Variants in HES1 observed in about 807,000 individuals in gnomAD.
HES1 encodes hes family bHLH transcription factor 1.
In HES1, 7 loss-of-function variants were observed where a neutral mutation model predicts 21.0. The observed-to-expected ratio is 0.33, with a 90% CI of 0.19 to 0.63. The LOEUF is 0.63. Ranked by LOEUF, HES1 falls within the 20% of genes least tolerant of loss-of-function variation. The probability of loss-of-function intolerance (pLI) is 0.78; values close to 1 mark genes in which losing one functional copy is unlikely to be tolerated. For missense variants in HES1, 338 were observed against 389.8 expected (o/e 0.87, Z 1.12); for synonymous variants, 169 against 171.2 (o/e 0.99, Z 0.10).
intron 1 of HES1, 52 bp from the exon 2 acceptor site, chr3:194,136,565 C>T (rs996667645): frequency 7.6e-6 from 12 of 1,573,224 alleles, no homozygotes; most frequent in African/African-American, 1.4e-5. Flanking sequence ...TGTCTTGAAA[C>T]CCCGGGATGG....
At chr3:194,136,876 C>T (rs748351351) in intron 2 of HES1, 85 bp from the exon 3 acceptor site, 149 of 1,434,092 alleles carry the variant, frequency 1.0e-4, no homozygotes, top group Non-Finnish European at 1.3e-4. Flanking sequence ...ATAATGCTTG[C>T]GCTCCGTGGC....
rs1163096831 is a variant in HES1 at position 194,138,696 on chromosome 3, A to C, written c.*463A>C. 2.6e-5 allele frequency: 4 copies of C among 152,774 alleles called. No individual in the cohort carries two copies. The highest frequency in any genetic ancestry group is 7.2e-5 in the African/African-American group (3 of 41,478). The allele number at this position is 152,774 out of a possible 1,614,324, so 9.5% of individuals were successfully genotyped here. On this transcript the variant is annotated 3_prime_UTR_variant, in exon 4 of 4. Coordinates refer to ENST00000232424, the MANE Select transcript of HES1 (RefSeq NM_005524.4). ...CATGTAATTGGTAATTCAGGAATTG[A>C]CTCTTTTGTTATTAAAAGAACATTT...
At position 194,137,988 on chromosome 3, in the gene HES1, G is replaced by C; in HGVS notation, c.598G>C (p.Gly200Arg). 1 of 1,439,490 alleles carries C rather than the reference G, an allele frequency of 6.9e-7. No homozygotes were observed. Among genetic ancestry groups the C allele is most frequent in the Non-Finnish European group, 9.2e-7 (1 of 1,089,756 alleles). 89.2% of individuals were successfully genotyped at this position (1,439,490 alleles called of 1,614,324 possible). Residue 200 changes from glycine (G) to arginine (R), a missense_variant, in exon 4 of 4, where the codon GGC becomes CGC. Physicochemically the swap from Gly to Arg is moderately radical, Grantham distance 125. Transcript: ENST00000232424. The surrounding 1 kb of genome is among the most constrained non-coding windows in gnomAD (Gnocchi z 5.4). ...CGGGGGCGCGGCGCCCCCTCCCGGCGGCGCCCCCTGCAAGCTGGGCAGCCA... is the reference window on the plus strand; with the variant it reads ...CGGGGGCGCGGCGCCCCCTCCCGGCCGCGCCCCCTGCAAGCTGGGCAGCCA... ...IPGGAAPPPG[G>R]APCKLGSQAG...
intron 2 of HES1, 55 bp from the exon 3 acceptor site, chr3:194,136,906 C>A: frequency 1.3e-6 from 2 of 1,535,176 alleles, no homozygotes; most frequent in Non-Finnish European, 1.8e-6. Context: ...GGACCCCCAG[C>A]ACTCTGAAGC....
chr3:194,137,236 G>C lies in HES1; in HGVS notation c.292+188G>C. On this transcript the variant is annotated intron_variant, in intron 3 of 3. Transcript: ENST00000232424. The surrounding 1 kb of genome is among the most constrained non-coding windows in gnomAD (Gnocchi z 5.4). ...CCAAGTTGTTACTGTTCCGGAAAGGGAGGGAAAGAGGTTGCAGCCGCGAGG... is the reference window on the plus strand; with the variant it reads ...CCAAGTTGTTACTGTTCCGGAAAGGCAGGGAAAGAGGTTGCAGCCGCGAGG... 1 of 635,448 alleles carries C rather than the reference G, an allele frequency of 1.6e-6. No homozygotes were observed. The highest frequency in any genetic ancestry group is 2.7e-5 in the East Asian group (1 of 36,594). The allele number at this position is 635,448 out of a possible 1,614,324, so 39.4% of individuals were successfully genotyped here. A position where few individuals can be genotyped will look rare whatever the true frequency, so the allele number is the denominator to read the frequency against.
chr3:194,136,445 A>G lies in HES1; in HGVS notation c.65A>G (p.Asn22Ser), dbSNP rs776375516. 9.9e-6 allele frequency: 16 copies of G among 1,613,002 alleles called. No individual in the cohort carries two copies. The African/African-American group carries it at 2.1e-4, about 22-fold the overall frequency. ...SPVAATPASV[N>S]TTPDKPKTAS... ...GTGGCTGCTACCCCAGCCAGTGTCA[A>G]CACGACACCGGATAAACCAAAGACA... Residue 22 changes from asparagine to serine, a missense_variant, in exon 1 of 4, where the codon AAC (asparagine) becomes AGC (serine). Coordinates refer to ENST00000232424, the MANE Select transcript of HES1 (RefSeq NM_005524.4).
At position 194,136,727 on chromosome 3, in the gene HES1, G is replaced by A. The variant is rs1470867463; in HGVS notation, c.204+15G>A. Reference sequence around the variant, plus strand: ...TGAAGAAAGATGTAAGTGGGGAAATGCTGCTCGCTCTTTTAATTAAAAAAC... The same window carrying A: ...TGAAGAAAGATGTAAGTGGGGAAATACTGCTCGCTCTTTTAATTAAAAAAC... On this transcript the variant is annotated intron_variant, in intron 2 of 3. Coordinates refer to ENST00000232424, the MANE Select transcript of HES1 (RefSeq NM_005524.4). The A allele has an allele frequency of 4.4e-6, 7 of 1,590,116 alleles. No individual in the cohort carries two copies. Among genetic ancestry groups the A allele is most frequent in the Non-Finnish European group, 6.0e-6 (7 of 1,158,234 alleles).
rs748521811 is a variant in HES1 at position 194,137,960 on chromosome 3, C to CCCCGGGGGCGCGGCGCCCCCT, written c.576_596dup (p.Ala195_Ala201dup). Reference sequence around the variant, plus strand: ...CGCCGCCGCCGCCACTCGTGCCCATCCCCGGGGGCGCGGCGCCCCCTCCCG... The same window carrying CCCCGGGGGCGCGGCGCCCCCT: ...CGCCGCCGCCGCCACTCGTGCCCATCCCCGGGGGCGCGGCGCCCCCTCCCGGGGGCGCGGCGCCCCCTCCCG... On this transcript the variant is annotated inframe_insertion, in exon 4 of 4. Coordinates refer to ENST00000232424, the MANE Select transcript of HES1 (RefSeq NM_005524.4). This position sits in a 1 kb window ranked among gnomAD's most constrained non-coding sequence, Gnocchi z 5.4. 6.5e-5 allele frequency: 88 copies of CCCCGGGGGCGCGGCGCCCCCT among 1,359,072 alleles called. No individual in the cohort carries two copies. The South Asian group carries it at 1.5e-3, about 24-fold the overall frequency. 84.2% of individuals were successfully genotyped at this position (1,359,072 alleles called of 1,614,324 possible). A position where few individuals can be genotyped will look rare whatever the true frequency, so the allele number is the denominator to read the frequency against.
In HES1 at chr3:194,137,953, T is replaced by C; in HGVS notation, c.563T>C (p.Val188Ala). 1 of 1,343,950 alleles carries C rather than the reference T, an allele frequency of 7.4e-7. No individual in the cohort carries two copies. Among genetic ancestry groups the C allele is most frequent in the African/African-American group, 1.5e-5 (1 of 65,554 alleles). The allele number at this position is 1,343,950 out of a possible 1,614,324, so 83.3% of individuals were successfully genotyped here. A position where few individuals can be genotyped will look rare whatever the true frequency, so the allele number is the denominator to read the frequency against. ...CCGTTCGCGCCGCCGCCGCCACTCG[T>C]GCCCATCCCCGGGGGCGCGGCGCCC... ...HAPFAPPPPL[V>A]PIPGGAAPPP... Residue 188 changes from valine (V) to alanine (A), a missense_variant, in exon 4 of 4, where the codon GTG becomes GCG. Coordinates refer to ENST00000232424, the MANE Select transcript of HES1 (RefSeq NM_005524.4). The surrounding 1 kb of genome is among the most constrained non-coding windows in gnomAD (Gnocchi z 5.4).
rs890139291 is a variant in HES1 at position 194,138,564 on chromosome 3, G to A, written c.*331G>A. The A allele has an allele frequency of 1.7e-5, 4 of 233,564 alleles. No individual in the cohort carries two copies. The highest frequency in any genetic ancestry group is 6.7e-5 in the African/African-American group (3 of 44,526). The allele number at this position is 233,564 out of a possible 1,614,324, so 14.5% of individuals were successfully genotyped here. A position where few individuals can be genotyped will look rare whatever the true frequency, so the allele number is the denominator to read the frequency against. On this transcript the variant is annotated 3_prime_UTR_variant, in exon 4 of 4. Coordinates refer to ENST00000232424, the MANE Select transcript of HES1 (RefSeq NM_005524.4). ...ATGCTCTTAAAATATCTTCCTTTGG[G>A]GAAGTTTATTTGAGAAAATATAATA... is the stretch of plus-strand genomic sequence containing the variant.
chr3:194,136,866 A>G, intron 2 of HES1, 95 bp from the exon 3 acceptor site: 1 of 1,413,420 alleles, frequency 7.1e-7, no homozygotes, highest in Non-Finnish European at 1.0e-6. Flanking sequence ...GGGTCCAGAG[A>G]TAATGCTTGC....
In HES1 at chr3:194,136,666, G is replaced by A; in HGVS notation, c.158G>A (p.Ser53Asn). The A allele has an allele frequency of 6.2e-7, 1 of 1,614,140 alleles. No homozygotes were observed. Among genetic ancestry groups the A allele is most frequent in the Non-Finnish European group, 8.5e-7 (1 of 1,179,966 alleles). Residue 53 changes from serine (S) to asparagine (N), a missense_variant, in exon 2 of 4, where the codon AGT becomes AAT. Ser to Asn is a conservative substitution (Grantham distance 46). Transcript: ENST00000232424. ...AGACGAAGAGCAAGAATAAATGAAA[G>A]TCTGAGCCAGCTGAAAACACTGATT... is the stretch of plus-strand genomic sequence containing the variant. Reference protein sequence around the residue: ...EKRRRARINESLSQLKTLILD... With the variant: ...EKRRRARINENLSQLKTLILD...
intron 2 of HES1, 21 bp downstream of exon 2, chr3:194,136,733 C>A: frequency 6.3e-7 from 1 of 1,582,990 alleles, no homozygotes; most frequent in Non-Finnish European, 8.7e-7. Flanking sequence ...AAATGCTGCT[C>A]GCTCTTTTAA....
rs1230722300 is a variant in HES1 at position 194,136,173 on chromosome 3, T to C, written c.-208T>C. On this transcript the variant is annotated 5_prime_UTR_variant, in exon 1 of 4. Transcript: ENST00000232424. Reference sequence around the variant, plus strand: ...ACACAGGATCCGGAGCTGGTGCTGATAACAGCGGAATCCCCCGTCTACCTC... The same window carrying C: ...ACACAGGATCCGGAGCTGGTGCTGACAACAGCGGAATCCCCCGTCTACCTC... 7 of 523,780 alleles carry C rather than the reference T, an allele frequency of 1.3e-5. No homozygotes were observed. The highest frequency in any genetic ancestry group is 9.6e-5 in the African/African-American group (5 of 52,216). 32.4% of individuals were successfully genotyped at this position (523,780 alleles called of 1,614,324 possible). A position where few individuals can be genotyped will look rare whatever the true frequency, so the allele number is the denominator to read the frequency against.
rs1227362513 is a variant in HES1 at position 194,136,993 on chromosome 3, C to T, written c.237C>T (p.Asp79=). 6.2e-7 allele frequency: 1 copy of T among 1,614,250 alleles called. No homozygotes were observed. Among genetic ancestry groups the T allele is most frequent in the South Asian group, 1.1e-5 (1 of 91,092 alleles). The change falls in exon 3 of 4, where the codon GAC becomes GAT. Residue 79 remains aspartate (D), a synonymous_variant. Coordinates refer to ENST00000232424, the MANE Select transcript of HES1 (RefSeq NM_005524.4). ...SSRHSKLEKA[D]ILEMTVKHLR... Reference sequence around the variant, plus strand: ...GGCATTCCAAGCTGGAGAAGGCGGACATTCTGGAAATGACAGTGAAGCACC... The same window carrying T: ...GGCATTCCAAGCTGGAGAAGGCGGATATTCTGGAAATGACAGTGAAGCACC...
rs749724903 is a variant in HES1, at chr3:194,137,927, G to A, written c.537G>A (p.Ala179=). The change falls in exon 4 of 4, where the codon GCG becomes GCA. Residue 179 remains alanine, a synonymous_variant. Transcript: ENST00000232424. This position sits in a 1 kb window ranked among gnomAD's most constrained non-coding sequence, Gnocchi z 5.4. ...PPPGPGGPQH[A]PFAPPPPLVP... The stretch of plus-strand genomic sequence containing the variant: ...CGGGACCCGGCGGCCCCCAGCACGC[G>A]CCGTTCGCGCCGCCGCCGCCACTCG... 5.4e-6 allele frequency: 7 copies of A among 1,306,784 alleles called. No homozygotes were observed. The Admixed American group carries it at 2.4e-4, about 46-fold the overall frequency. The allele number at this position is 1,306,784 out of a possible 1,614,324, so 80.9% of individuals were successfully genotyped here.
At position 194,138,432 on chromosome 3, in the gene HES1, A is replaced by C. The variant is rs1221623083; in HGVS notation, c.*199A>C. On this transcript the variant is annotated 3_prime_UTR_variant, in exon 4 of 4. Coordinates refer to ENST00000232424, the MANE Select transcript of HES1 (RefSeq NM_005524.4). Reference sequence around the variant, plus strand: ...CTGACCATGCACTATATTTGTATATATTTTATATGTTCATATTGGATTGCG... The same window carrying C: ...CTGACCATGCACTATATTTGTATATCTTTTATATGTTCATATTGGATTGCG... 1 of 429,576 alleles carries C rather than the reference A, an allele frequency of 2.3e-6. No homozygotes were observed. Among genetic ancestry groups the C allele is most frequent in the Non-Finnish European group, 4.0e-6 (1 of 252,628 alleles). The allele number at this position is 429,576 out of a possible 1,614,324, so 26.6% of individuals were successfully genotyped here. A position where few individuals can be genotyped will look rare whatever the true frequency, so the allele number is the denominator to read the frequency against.
chr3:194,136,923 C>G, intron 2 of HES1, 38 bp from the exon 3 acceptor site: 1 of 1,587,592 alleles, frequency 6.3e-7, no homozygotes, highest in Non-Finnish European at 8.7e-7. Context: ...AAGCAGCTGA[C>G]ACGGGGCTCA....
chr3:194,137,263 T>G lies in HES1; in HGVS notation c.292+215T>G. Reference sequence around the variant, plus strand: ...GGGAAAGAGGTTGCAGCCGCGAGGGTGGCGGGCGCCGGGTAGGGGCGAAAG... The same window carrying G: ...GGGAAAGAGGTTGCAGCCGCGAGGGGGGCGGGCGCCGGGTAGGGGCGAAAG... On this transcript the variant is annotated intron_variant, in intron 3 of 3. Transcript: ENST00000232424. The surrounding 1 kb of genome is among the most constrained non-coding windows in gnomAD (Gnocchi z 5.4). 1.6e-6 allele frequency: 1 copy of G among 613,930 alleles called. No homozygotes were observed. The highest frequency in any genetic ancestry group is 2.9e-6 in the Non-Finnish European group (1 of 347,364). 38.0% of individuals were successfully genotyped at this position (613,930 alleles called of 1,614,324 possible). A position where few individuals can be genotyped will look rare whatever the true frequency, so the allele number is the denominator to read the frequency against.
Sources: gnomAD v4.1 joint callset for allele counts on GRCh38, gnomAD v4.1.1 for gene constraint, Gnocchi (gnomAD v3.1) non-coding constraint, MANE v1.5 for transcripts, NCBI Gene and HGNC (gene_info 2026-07-23, HGNC 2026-07-21) for gene names.